DNAH5: variants seen among roughly 807,000 people sequenced by gnomAD.
DNAH5 encodes the protein axonemal beta dynein heavy chain 5.
DNAH5 carries 372 observed loss-of-function variants against 518.2 expected under a neutral mutation model. The observed-to-expected ratio is 0.72, with a 90% CI of 0.66 to 0.78. The LOEUF is 0.78. Ranked by LOEUF, DNAH5 falls within the 30% of genes least tolerant of loss-of-function variation. The pLI is 0.00. For synonymous variants in DNAH5, 2,039 were observed against 2,025.9 expected (o/e 1.01, Z -0.17); for missense variants, 5,523 against 5,687.0 (o/e 0.97, Z 0.93).
At chr5:13,851,491 G>A (rs568647276) in intron 30 of DNAH5, among the ~76,000 whole-genome samples, 10 of 151,732 alleles carry the variant, frequency 6.6e-5, no homozygotes, top group Admixed American at 5.9e-4. Flanking sequence ...TTTATTTTTT[G>A]TAGAAACTGG....
intron 60 of DNAH5, among the ~76,000 whole-genome samples, chr5:13,762,460 T>C (rs1420665054): frequency 1.3e-5 from 2 of 152,174 alleles, no homozygotes; most frequent in African/African-American, 2.4e-5. Flanking sequence ...AGGAAAAATA[T>C]CGAGCAGCCC....
At chr5:13,748,559 C>A (rs1476833135) in intron 65 of DNAH5, among the ~76,000 whole-genome samples, 1 of 152,142 alleles carries the variant, frequency 6.6e-6, no homozygotes, top group Non-Finnish European at 1.5e-5. Context: ...TTTCGTTTAG[C>A]AGTGGTTTGT....
intron 21 of DNAH5, among the ~76,000 whole-genome samples, chr5:13,880,638 A>T (rs1409510062): frequency 6.6e-6 from 1 of 151,976 alleles, no homozygotes; most frequent in Non-Finnish European, 1.5e-5. Context: ...TATAATTAGT[A>T]TAAGATGTTT....
chr5:13,712,400 A>G (rs1743610497), intron 75 of DNAH5, among the ~76,000 whole-genome samples: 1 of 152,228 alleles, frequency 6.6e-6, no homozygotes, highest in African/African-American at 2.4e-5. Context: ...CCTTCTAGAC[A>G]TCAGCTTAGG....
intron 1 of DNAH5, among the ~76,000 whole-genome samples, chr5:13,959,044 C>T (rs79183325): frequency 0.038 from 5,824 of 152,162 alleles, 128 homozygotes; most frequent in African/African-American, 0.051. Context: ...CTGCAACCTC[C>T]GCCTCTCAGG....
intron 1 of DNAH5, chr5:13,932,168 G>A (rs1778492595): frequency 1.3e-5 from 2 of 152,114 alleles, no homozygotes; most frequent in African/African-American, 2.4e-5. Flanking sequence ...ACACTACCTG[G>A]TAACCTCAAA....
chr5:13,859,713 T>C (rs948396215), intron 29 of DNAH5, 108 bp from the exon 30 acceptor site: 5 of 1,044,256 alleles, frequency 4.8e-6, no homozygotes, highest in Non-Finnish European at 5.9e-6. Context: ...CTTTACAACC[T>C]TAATTATGTT....
At position 13,799,736 on chromosome 5, in the gene DNAH5, G is replaced by T. The variant is rs189700055; in HGVS notation, c.7888-5678C>A. ...TGGAACCAGAAGTGTTTTGTATATTGAATGTTTTCAGATTTGGGAATATTT... is the reference window on the plus strand; with the variant it reads ...TGGAACCAGAAGTGTTTTGTATATTTAATGTTTTCAGATTTGGGAATATTT... On this transcript the variant is annotated intron_variant, in intron 47 of 78. Transcript: ENST00000265104. Among the ~76,000 whole-genome samples the T allele has an allele frequency of 8.9e-4, 135 of 152,178 alleles. 1 individual carries two copies. The highest frequency in any genetic ancestry group is 4.5e-3 in the Admixed American group (69 of 15,278).
At chr5:13,850,414 T>C (rs1314541600) in intron 31 of DNAH5, among the ~76,000 whole-genome samples, 2 of 152,262 alleles carry the variant, frequency 1.3e-5, no homozygotes, top group African/African-American at 4.8e-5. Context: ...AGGATGTTTA[T>C]ACAGTCTTAT....
chr5:13,692,169 A>G (rs779655002), intron 78 of DNAH5, 34 bp from the exon 79 acceptor site: 4 of 1,612,540 alleles, frequency 2.5e-6, no homozygotes, highest in Non-Finnish European at 3.4e-6. Context: ...AACTTGGTGA[A>G]ATTTCCACTT....
intron 1 of DNAH5, among the ~76,000 whole-genome samples, chr5:13,935,282 C>A (rs1778817667): frequency 6.6e-6 from 1 of 152,060 alleles, no homozygotes; most frequent in African/African-American, 2.4e-5. Context: ...CTTCATAACC[C>A]AATTGTTTCT....
intron 19 of DNAH5, 40 bp from the exon 20 acceptor site, chr5:13,883,134 T>A: frequency 6.2e-7 from 1 of 1,601,450 alleles, no homozygotes; most frequent in Non-Finnish European, 8.5e-7. Context: ...ACATTTTTAA[T>A]ACAAAATAAG....
In DNAH5 at chr5:13,793,917, C is replaced by T. The variant is rs758668636; in HGVS notation, c.8010+19G>A. On this transcript the variant is annotated intron_variant, in intron 48 of 78. Transcript: ENST00000265104. ...AATACCAAATTAAAGAAATAAAATG[C>T]ACAATAGAATGATGATACCTGATCT... 9 of 1,613,300 alleles carry T rather than the reference C, an allele frequency of 5.6e-6. No individual in the cohort carries two copies. The highest frequency in any genetic ancestry group is 7.6e-6 in the Non-Finnish European group (9 of 1,179,662).
intron 1 of DNAH5, among the ~76,000 whole-genome samples, chr5:13,994,863 G>T (rs1400522607): frequency 6.6e-6 from 1 of 152,162 alleles, no homozygotes; most frequent in Non-Finnish European, 1.5e-5. Flanking sequence ...GCCTGCTTAG[G>T]TTCACTGGGA....
chr5:13,801,051 T>C (rs747753173), intron 47 of DNAH5, among the ~76,000 whole-genome samples: 37 of 152,334 alleles, frequency 2.4e-4, no homozygotes, highest in South Asian at 1.7e-3. Context: ...TTGACTTTTC[T>C]CACTGTCTCC....
intron 8 of DNAH5, 93 bp downstream of exon 8, chr5:13,917,050 A>G (rs2151986462): frequency 2.1e-6 from 2 of 972,638 alleles, no homozygotes; most frequent in Non-Finnish European, 3.2e-6. Context: ...TTTCCAATGA[A>G]CTGTAATATT....
intron 70 of DNAH5, among the ~76,000 whole-genome samples, chr5:13,723,959 T>C (rs1466557953): frequency 6.6e-6 from 1 of 152,206 alleles, no homozygotes; most frequent in African/African-American, 2.4e-5. Context: ...ATGGTTCAAA[T>C]TGGCTCCAAG....
intron 43 of DNAH5, among the ~76,000 whole-genome samples, chr5:13,812,395 T>A (rs1760837915): frequency 6.6e-6 from 1 of 152,092 alleles, no homozygotes; most frequent in Non-Finnish European, 1.5e-5. Flanking sequence ...AACCTCCACC[T>A]CCCAGGCTCA....
chr5:13,810,194 C>A lies in DNAH5; in HGVS notation c.7474G>T (p.Ala2492Ser). 6.5e-7 allele frequency: 1 copy of A among 1,549,646 alleles called. No homozygotes were observed. ...RLFVFALLWS[A>S]GAALELDGRR... Reference sequence around the variant, plus strand: ...CCGTCCAGCTCCAGCGCCGCCCCCGCGCTCCACAGCAGCGCGAACACGAAC... The same window carrying A: ...CCGTCCAGCTCCAGCGCCGCCCCCGAGCTCCACAGCAGCGCGAACACGAAC... The change falls in exon 45 of 79, where the codon GCG becomes TCG. Residue 2492 changes from alanine (A) to serine (S), a missense_variant. By Grantham distance (99) the Ala-to-Ser change is moderately conservative. This residue lies in a region of DNAH5 where 5,121 missense variants were observed against 5,223.3 expected (regional missense o/e 0.98). Transcript: ENST00000265104.
Sources: allele counts gnomAD v4.1 joint callset (sites outside exome capture counted in the v4.1 genomes callset), GRCh38; gene constraint gnomAD v4.1.1; regional missense constraint gnomAD v4.1.1; transcripts MANE v1.5; gene names NCBI Gene and HGNC (gene_info 2026-07-23, HGNC 2026-07-21).